The following DHRS3 variants were observed in gnomAD, a reference collection of about 807,000 sequenced individuals.
DHRS3 encodes short-chain dehydrogenase/reductase 3.
DHRS3 carries 14 observed loss-of-function variants against 27.2 expected under a neutral mutation model. The observed-to-expected ratio is 0.52, with a 90% CI of 0.34 to 0.81. The LOEUF (loss-of-function observed/expected upper bound fraction) is 0.81. Ranked by LOEUF, DHRS3 falls within the 30% of genes least tolerant of loss-of-function variation. DHRS3 has a pLI of 0.01. For synonymous variants in DHRS3, 165 were observed against 175.9 expected, an observed-to-expected ratio of 0.94 and a Z score of 0.49; for missense variants, 322 against 406.2, an observed-to-expected ratio of 0.79 and a Z score of 1.78.
chr1:12,568,280 G>GTGCCCAGGTGCTGTGGCCCCCAAA lies in DHRS3; in HGVS notation c.*36_*59dup, dbSNP rs1333481788. On this transcript the variant is annotated 3_prime_UTR_variant, in exon 6 of 6. Coordinates refer to ENST00000616661, the MANE Select transcript of DHRS3 (RefSeq NM_004753.7). ...TGCCAATGGACAGGTGCTCGGGTGT[G>GTGCCCAGGTGCTGTGGCCCCCAAA]TGCCCAGGTGCTGTGGCCCCCAAAC... is the stretch of plus-strand genomic sequence containing the variant. The GTGCCCAGGTGCTGTGGCCCCCAAA allele has an allele frequency of 2.4e-5, 35 of 1,474,460 alleles. No individual in the cohort carries two copies. The highest frequency in any genetic ancestry group is 3.1e-5 in the Non-Finnish European group (33 of 1,054,780). 91.3% of individuals were successfully genotyped at this position (1,474,460 alleles called of 1,614,324 possible). A position where few individuals can be genotyped will look rare whatever the true frequency, so the allele number is the denominator to read the frequency against.
chr1:12,605,384 A>G (rs1251753863), intron 1 of DHRS3, among the ~76,000 whole-genome samples: 2 of 152,206 alleles, frequency 1.3e-5, no homozygotes, highest in South Asian at 2.1e-4. Flanking sequence ...TCTATCTTGT[A>G]TATTACCATA....
At position 12,608,815 on chromosome 1, in the gene DHRS3, A is replaced by G. The variant is rs1219047257; in HGVS notation, c.195+8339T>C. On this transcript the variant is annotated intron_variant, in intron 1 of 5. Transcript: ENST00000616661. This position sits in a 1 kb window ranked among gnomAD's most constrained non-coding sequence, Gnocchi z 4.1. ...ATGGGCCTCCAGAACCATCTAGAAC[A>G]GGTCCCATGCCTCTGTGGTACTGGA... 6.6e-6 allele frequency among the ~76,000 whole-genome samples: 1 copy of G among 152,172 alleles called. No individual in the cohort carries two copies. Among genetic ancestry groups the G allele is most frequent in the Non-Finnish European group, 1.5e-5 (1 of 68,018 alleles).
In DHRS3 at chr1:12,617,211, G is replaced by A; in HGVS notation, c.138C>T (p.Gly46=). ...CGAGCTGACGCCCGATGCCTCTCCC[G>A]CCGCCGGTGATGAGGACGTTCTCCC... is the stretch of plus-strand genomic sequence containing the variant. ...LSRENVLITG[G]GRGIGRQLAR... The change falls in exon 1 of 6, where the codon GGC becomes GGT. Residue 46 remains glycine, a synonymous_variant. Coordinates refer to ENST00000616661, the MANE Select transcript of DHRS3 (RefSeq NM_004753.7). 6.2e-7 allele frequency: 1 copy of A among 1,613,292 alleles called. No individual in the cohort carries two copies. The highest frequency in any genetic ancestry group is 2.2e-5 in the East Asian group (1 of 44,856).
chr1:12,577,988 C>G (rs1646605330), intron 4 of DHRS3, among the ~76,000 whole-genome samples: 1 of 152,180 alleles, frequency 6.6e-6, no homozygotes, highest in South Asian at 2.1e-4. Flanking sequence ...TCGCCTCCCT[C>G]CCAGGTTACA....
rs6670337 is a variant in DHRS3 at position 12,579,281 on chromosome 1, G to C, written c.459+12C>G. ...ACGCCCGGGGCTGGCTCTGGCCCCG[G>C]ATAGCCCTTACCCAGAACTGGCCCA... is the stretch of plus-strand genomic sequence containing the variant. On this transcript the variant is annotated intron_variant, in intron 3 of 5. Coordinates refer to ENST00000616661, the MANE Select transcript of DHRS3 (RefSeq NM_004753.7). 75,343 of 1,613,962 alleles carry C rather than the reference G, an allele frequency of 0.047. 3,494 individuals carry two copies. Among genetic ancestry groups the C allele is most frequent in the African/African-American group, 0.2 (15,153 of 74,958 alleles).
Position 12,586,393 on chromosome 1 carries a change from G to A in DHRS3, c.196-5727C>T, listed in dbSNP as rs1646697342. On this transcript the variant is annotated intron_variant, in intron 1 of 5. Coordinates refer to ENST00000616661, the MANE Select transcript of DHRS3 (RefSeq NM_004753.7). This position sits in a 1 kb window ranked among gnomAD's most constrained non-coding sequence, Gnocchi z 5.0. ...CCACTCTCCTCACATGCAACCCCAC[G>A]CCCCGCGTTCATCCCCACCCAGCCA... Among the ~76,000 whole-genome samples, 1 of 152,068 alleles carries A rather than the reference G, an allele frequency of 6.6e-6. No individual in the cohort carries two copies.
chr1:12,612,975 G>A (rs771838337), intron 1 of DHRS3, among the ~76,000 whole-genome samples: 6 of 151,942 alleles, frequency 3.9e-5, no homozygotes, highest in Admixed American at 1.3e-4. Context: ...CAGGAGAATC[G>A]CTTGAATCTG....
In DHRS3 at chr1:12,578,722, C is replaced by G. The variant is rs755608661; in HGVS notation, c.694G>C (p.Val232Leu). 1.2e-6 allele frequency: 2 copies of G among 1,611,620 alleles called. No individual in the cohort carries two copies. Among genetic ancestry groups the G allele is most frequent in the Non-Finnish European group, 1.7e-6 (2 of 1,177,958 alleles). ...GTGGGTCCCCTGCTCACTGACCTGA[C>G]TCTCATGCCCTGGAACATCTCGGTG... ...TSTEMFQGMR[V>L]RFPNLFPPLK... is the part of the protein sequence containing the mutation. The change falls in exon 4 of 6, where the codon GTC becomes CTC. Residue 232 changes from valine to leucine, a missense_variant. By Grantham distance (32) the Val-to-Leu change is conservative. Transcript: ENST00000616661. This position sits in a 1 kb window ranked among gnomAD's most constrained non-coding sequence, Gnocchi z 4.5.
chr1:12,599,476 T>A (rs916591903), intron 1 of DHRS3, among the ~76,000 whole-genome samples: 1 of 152,380 alleles, frequency 6.6e-6, no homozygotes, highest in African/African-American at 2.4e-5. Context: ...TCCAGTAATG[T>A]GGGCTGGTCG....
intron 4 of DHRS3, among the ~76,000 whole-genome samples, chr1:12,575,622 A>C (rs958425248): frequency 6.6e-5 from 10 of 152,278 alleles, no homozygotes; most frequent in African/African-American, 2.4e-4. Context: ...ATGTTCACCT[A>C]GTGCTTGCTA....
At chr1:12,595,095 G>A (rs1646782181) in intron 1 of DHRS3, among the ~76,000 whole-genome samples, 1 of 152,190 alleles carries the variant, frequency 6.6e-6, no homozygotes, top group Admixed American at 6.5e-5. Flanking sequence ...AGAGGGAGGG[G>A]AGGGGAGGCG....
intron 1 of DHRS3, among the ~76,000 whole-genome samples, chr1:12,603,863 A>G (rs532628036): frequency 3.3e-5 from 5 of 152,284 alleles, no homozygotes; most frequent in African/African-American, 1.2e-4. Context: ...CAAGCCACAC[A>G]TCTGTACTCT....
At chr1:12,616,967 A>G (rs141135210) in intron 1 of DHRS3, among the ~76,000 whole-genome samples, 187 bp downstream of exon 1, 62 of 152,330 alleles carry the variant, frequency 4.1e-4, no homozygotes, top group African/African-American at 1.4e-3. Context: ...GAACCTGCCA[A>G]AAAAGACAGT....
intron 1 of DHRS3, among the ~76,000 whole-genome samples, chr1:12,581,624 A>C (rs1369981027): frequency 2.6e-5 from 4 of 152,216 alleles, no homozygotes; most frequent in Admixed American, 1.3e-4. Context: ...GCCAGCCCAT[A>C]AAAGGCTCAG....
At chr1:12,599,468 C>T (rs1646821097) in intron 1 of DHRS3, among the ~76,000 whole-genome samples, 1 of 152,254 alleles carries the variant, frequency 6.6e-6, no homozygotes, top group Non-Finnish European at 1.5e-5. Context: ...CGTCACCTTC[C>T]AGTAATGTGG....
In DHRS3 at chr1:12,586,549, C is replaced by T. The variant is rs1425504044; in HGVS notation, c.196-5883G>A. ...GCAGATGTAATCCTACTTCAAGGAACCCACATTCCAGTGGGGGAAGACAGA... is the reference window on the plus strand; with the variant it reads ...GCAGATGTAATCCTACTTCAAGGAATCCACATTCCAGTGGGGGAAGACAGA... On this transcript the variant is annotated intron_variant, in intron 1 of 5. Coordinates refer to ENST00000616661, the MANE Select transcript of DHRS3 (RefSeq NM_004753.7). This position sits in a 1 kb window ranked among gnomAD's most constrained non-coding sequence, Gnocchi z 5.0. Among the ~76,000 whole-genome samples the T allele has an allele frequency of 6.6e-6, 1 of 152,222 alleles. No individual in the cohort carries two copies. Among genetic ancestry groups the T allele is most frequent in the Non-Finnish European group, 1.5e-5 (1 of 68,034 alleles).
Position 12,589,073 on chromosome 1 carries a change from A to G in DHRS3, c.196-8407T>C, listed in dbSNP as rs548666382. 1.1e-3 allele frequency among the ~76,000 whole-genome samples: 168 copies of G among 152,366 alleles called. 4 individuals carry two copies. In the East Asian group the frequency reaches 0.029, roughly 26 times the overall value. On this transcript the variant is annotated intron_variant, in intron 1 of 5. Coordinates refer to ENST00000616661, the MANE Select transcript of DHRS3 (RefSeq NM_004753.7). ...TGGCCCCTCCAGTAGGAGGCTGTTA[A>G]TAAAAATCCATCCCTGTGGTCAGAT... is the stretch of plus-strand genomic sequence containing the variant.
In DHRS3 at chr1:12,595,677, C is replaced by T. The variant is rs545591020; in HGVS notation, c.196-15011G>A. Reference sequence around the variant, plus strand: ...GGGGAAACAGGTTGGGGTCCTGGGCCGGGCGGCGAAGGAAGGCCGAGGTGC... The same window carrying T: ...GGGGAAACAGGTTGGGGTCCTGGGCTGGGCGGCGAAGGAAGGCCGAGGTGC... On this transcript the variant is annotated intron_variant, in intron 1 of 5. Transcript: ENST00000616661. Among the ~76,000 whole-genome samples, 31 of 128,976 alleles carry T rather than the reference C, an allele frequency of 2.4e-4. 1 individual carries two copies. The South Asian group carries it at 7.4e-3, about 31-fold the overall frequency. 84.6% of individuals were successfully genotyped at this position (128,976 alleles called of 152,430 possible). A position where few individuals can be genotyped will look rare whatever the true frequency, so the allele number is the denominator to read the frequency against.
chr1:12,616,169 T>G (rs1382328318), intron 1 of DHRS3, among the ~76,000 whole-genome samples: 1 of 152,248 alleles, frequency 6.6e-6, no homozygotes, highest in East Asian at 1.9e-4. Context: ...TCAGATCAGC[T>G]GGCTTTGCGG....
Sources: allele counts gnomAD v4.1 joint callset (sites outside exome capture counted in the v4.1 genomes callset), GRCh38; gene constraint gnomAD v4.1.1; non-coding constraint Gnocchi (gnomAD v3.1); transcripts MANE v1.5; gene names NCBI Gene and HGNC (gene_info 2026-07-23, HGNC 2026-07-21).